Variants in PDIA4 observed in about 807,000 individuals in gnomAD.
The protein encoded by PDIA4 is protein disulfide isomerase family A member 4.
A neutral mutation model predicts 62.1 loss-of-function variants in PDIA4; 33 were observed. The ratio of observed to expected loss-of-function variants is 0.53; its 90% confidence interval spans 0.40 to 0.71. The LOEUF is 0.71. PDIA4 is among the 30% of genes least tolerant of loss of function. The probability of loss-of-function intolerance (pLI) is 0.00; values close to 1 mark genes in which losing one functional copy is unlikely to be tolerated. For missense variants in PDIA4, 804 were observed against 813.6 expected (o/e 0.99, Z 0.14); for synonymous variants, 341 against 324.1 (o/e 1.05, Z -0.56).
At chr7:149,018,301 T>G (rs1167139403) in intron 3 of PDIA4, among the ~76,000 whole-genome samples, 1 of 152,036 alleles carries the variant, frequency 6.6e-6, no homozygotes, top group Non-Finnish European at 1.5e-5. Context: ...ATGTGCTGAA[T>G]CAGAAACTCT....
chr7:149,006,104 T>C, intron 7 of PDIA4, 51 bp from the exon 8 acceptor site: 1 of 1,522,008 alleles, frequency 6.6e-7, no homozygotes, highest in South Asian at 1.3e-5. Context: ...CCCACCATTG[T>C]TCTTGAGTAC....
At chr7:149,028,253 C>T in intron 1 of PDIA4, 68 bp downstream of exon 1, 1 of 1,210,248 alleles carries the variant, frequency 8.3e-7, no homozygotes, top group Non-Finnish European at 1.1e-6. Flanking sequence ...GGTCGCAGGG[C>T]CCAGGCCCCC....
At chr7:149,010,904 G>C (rs1823922665) in intron 6 of PDIA4, among the ~76,000 whole-genome samples, 1 of 152,232 alleles carries the variant, frequency 6.6e-6, no homozygotes, top group Non-Finnish European at 1.5e-5. Flanking sequence ...CTTGCAGTCA[G>C]ACTTGGGGCT....
chr7:149,003,983 C>T lies in PDIA4; in HGVS notation c.1749G>A (p.Met583Ile), dbSNP rs368054752. The T allele has an allele frequency of 8.1e-6, 13 of 1,613,270 alleles. No homozygotes were observed. The African/African-American group carries it at 1.7e-4, about 22-fold the overall frequency. ...KGQKGLVIAK[M>I]DATANDVPSD... ...TGGGGACGTCGTTGGCAGTGGCGTCCATCTTGGCGATGACCAGGCCCTTTT... is the reference window on the plus strand; with the variant it reads ...TGGGGACGTCGTTGGCAGTGGCGTCTATCTTGGCGATGACCAGGCCCTTTT... The change falls in exon 10 of 10, where the codon ATG becomes ATA. Residue 583 changes from methionine to isoleucine, a missense_variant. Met to Ile is a conservative substitution (Grantham distance 10, BLOSUM62 1). Coordinates refer to ENST00000652332, the MANE Select transcript of PDIA4 (RefSeq NM_004911.5).
chr7:149,005,973 G>T lies in PDIA4; in HGVS notation c.1212C>A (p.Asn404Lys). Reference protein sequence around the residue: ...LPLVGHRKVSNDAKRYTRRPL... With the variant: ...LPLVGHRKVSKDAKRYTRRPL... The stretch of plus-strand genomic sequence containing the variant: ...GGCGCCTGGTGTAGCGCTTAGCATC[G>T]TTTGACACCTTGCGGTGGCCAACCA... Residue 404 changes from asparagine (N) to lysine (K), a missense_variant, in exon 8 of 10, where the codon AAC (asparagine) becomes AAA (lysine). By Grantham distance (94) the Asn-to-Lys change is moderately conservative. Coordinates refer to ENST00000652332, the MANE Select transcript of PDIA4 (RefSeq NM_004911.5). 1.3e-6 allele frequency: 2 copies of T among 1,541,968 alleles called. No homozygotes were observed. Among genetic ancestry groups the T allele is most frequent in the Non-Finnish European group, 1.7e-6 (2 of 1,154,418 alleles).
chr7:149,016,283 G>A (rs1824136888), intron 3 of PDIA4, among the ~76,000 whole-genome samples: 1 of 152,220 alleles, frequency 6.6e-6, no homozygotes, highest in Non-Finnish European at 1.5e-5. Context: ...CTGGGAGACA[G>A]AGGAAGACTC....
At position 149,028,338 on chromosome 7, in the gene PDIA4, G is replaced by A. The variant is rs1489764376; in HGVS notation, c.71C>T (p.Ala24Val). The A allele has an allele frequency of 6.6e-7, 1 of 1,522,294 alleles. No individual in the cohort carries two copies. The highest frequency in any genetic ancestry group is 2.0e-5 in the Admixed American group (1 of 49,498). 94.3% of individuals were successfully genotyped at this position (1,522,294 alleles called of 1,614,324 possible). A position where few individuals can be genotyped will look rare whatever the true frequency, so the allele number is the denominator to read the frequency against. Reference protein sequence around the residue: ...GLVQLLAVAGAEGPDEDSSNR... With the variant: ...GLVQLLAVAGVEGPDEDSSNR... The stretch of plus-strand genomic sequence containing the variant: ...CCGCTCACCCTCGTCCGGGCCCTCG[G>A]CACCCGCCACGGCCAGCAGCTGCAC... Residue 24 changes from alanine to valine, a missense_variant, in exon 1 of 10, where the codon GCC becomes GTC. Ala to Val is a moderately conservative substitution (Grantham distance 64). Transcript: ENST00000652332.
chr7:149,016,580 G>A (rs909345990), intron 3 of PDIA4, among the ~76,000 whole-genome samples: 3 of 151,512 alleles, frequency 2.0e-5, no homozygotes, highest in African/African-American at 4.9e-5. Context: ...GTGCAGTGGC[G>A]CGATCTCGGC....
At chr7:149,027,565 C>T (rs2129506131) in intron 1 of PDIA4, among the ~76,000 whole-genome samples, 1 of 152,212 alleles carries the variant, frequency 6.6e-6, no homozygotes, top group East Asian at 1.9e-4. Flanking sequence ...AACAACTTTT[C>T]CTTAATTAGC....
chr7:149,025,625 A>G (rs1014757351), intron 1 of PDIA4, among the ~76,000 whole-genome samples: 2 of 152,198 alleles, frequency 1.3e-5, no homozygotes, highest in Admixed American at 1.3e-4. Flanking sequence ...CACCTGTCCA[A>G]AGATCACAAA....
At chr7:149,006,458 C>A (rs1823759395) in intron 7 of PDIA4, among the ~76,000 whole-genome samples, 1 of 152,224 alleles carries the variant, frequency 6.6e-6, no homozygotes, top group African/African-American at 2.4e-5. Flanking sequence ...CACTTCACAA[C>A]GACTGGAGTC....
intron 6 of PDIA4, among the ~76,000 whole-genome samples, chr7:149,009,416 G>C (rs1410158033): frequency 1.3e-5 from 2 of 152,164 alleles, no homozygotes; most frequent in Admixed American, 6.5e-5. Flanking sequence ...GAATGTTCTG[G>C]AGCCCACATG....
intron 3 of PDIA4, among the ~76,000 whole-genome samples, 159 bp downstream of exon 3, chr7:149,018,833 C>G: frequency 8.4e-6 from 1 of 118,636 alleles, no homozygotes; most frequent in Non-Finnish European, 1.8e-5. Flanking sequence ...CCCCCTCCTA[C>G]CCCCCCACCC....
intron 6 of PDIA4, among the ~76,000 whole-genome samples, chr7:149,010,169 C>A (rs1823897831): frequency 6.6e-6 from 1 of 152,070 alleles, no homozygotes; most frequent in African/African-American, 2.4e-5. Context: ...AGCCACAGGC[C>A]CTTCTCTGTA....
In PDIA4 at chr7:149,012,154, C is replaced by T; in HGVS notation, c.820+1G>A. 6.2e-7 allele frequency: 1 copy of T among 1,614,038 alleles called. No individual in the cohort carries two copies. Among genetic ancestry groups the T allele is most frequent in the Non-Finnish European group, 8.5e-7 (1 of 1,179,930 alleles). On this transcript the variant is annotated splice_donor_variant, in intron 5 of 9. Transcript: ENST00000652332. LOFTEE classifies it high-confidence loss of function. ...AGTGGGAGAGAAGGGAGTGGCCATA[C>T]CATATTTTTCTCGTGGGCCGTTGTA... is the stretch of plus-strand genomic sequence containing the variant.
rs1823657315 is a variant in PDIA4, at chr7:149,004,148, C to T, written c.1584G>A (p.Lys528=). ...PVPKNNKGPV[K]VVVGKTFDSI... ...AGTCAAAGGTCTTTCCCACCACGAC[C>T]TTGACGGGTCCCTTGTTGTTCTTGG... Residue 528 remains lysine, a synonymous_variant, in exon 10 of 10, where the codon AAG becomes AAA. Transcript: ENST00000652332. 10 of 1,614,122 alleles carry T rather than the reference C, an allele frequency of 6.2e-6. No individual in the cohort carries two copies. Among genetic ancestry groups the T allele is most frequent in the Non-Finnish European group, 8.5e-6 (10 of 1,180,024 alleles).
chr7:149,025,997 G>C (rs1324627641), intron 1 of PDIA4, among the ~76,000 whole-genome samples: 1 of 152,134 alleles, frequency 6.6e-6, no homozygotes, highest in African/African-American at 2.4e-5. Context: ...TCAGAGCTTA[G>C]GGTGTATTTA....
chr7:149,024,381 G>C (rs1824463670), intron 1 of PDIA4, among the ~76,000 whole-genome samples: 2 of 152,126 alleles, frequency 1.3e-5, no homozygotes, highest in East Asian at 3.8e-4. Flanking sequence ...TGATTCCTCT[G>C]CAATTTGGGA....
At chr7:149,017,871 C>A (rs1398815252) in intron 3 of PDIA4, among the ~76,000 whole-genome samples, 1 of 152,206 alleles carries the variant, frequency 6.6e-6, no homozygotes, top group African/African-American at 2.4e-5. Context: ...ACCTGTGGTT[C>A]TCAGCACATG....
Sources: gnomAD v4.1 joint callset for allele counts (sites outside exome capture counted in the v4.1 genomes callset) on GRCh38, gnomAD v4.1.1 for gene constraint, MANE v1.5 for transcripts, NCBI Gene and HGNC (gene_info 2026-07-23, HGNC 2026-07-21) for gene names.